The following ZNF334 variants were observed in gnomAD, a reference collection of about 807,000 sequenced individuals.
ZNF334 encodes the protein zinc finger protein 334.
ZNF334 carries 14 observed loss-of-function variants against 12.4 expected under a neutral mutation model. The ratio of observed to expected loss-of-function variants is 1.13; its 90% CI spans 0.74 to 1.76. The LOEUF (loss-of-function observed/expected upper bound fraction) is 1.76, where lower values mean the gene tolerates loss of function less well. ZNF334 is among the 40% of genes most tolerant of loss of function. ZNF334 has a pLI of 0.00. For synonymous variants in ZNF334, 273 were observed against 269.6 expected (o/e 1.01, Z -0.12); for missense variants, 797 against 804.5 (o/e 0.99, Z 0.11).
At chr20:46,506,806 G>A (rs750015676) in intron 2 of ZNF334, among the ~76,000 whole-genome samples, 2 of 152,048 alleles carry the variant, frequency 1.3e-5, no homozygotes, top group Admixed American at 6.6e-5. Flanking sequence ...TTTCTATACG[G>A]TTTTGATTCT....
the ZNF334 span, among the ~76,000 whole-genome samples, chr20:46,471,878 T>C: frequency 1.3e-5 from 2 of 152,230 alleles, no homozygotes; most frequent in East Asian, 1.9e-4. Context: ...TTAACTTTGT[T>C]CTTCAAGATT....
chr20:46,509,849 T>C (rs1468568261), intron 2 of ZNF334: 1 of 596,936 alleles, frequency 1.7e-6, no homozygotes, highest in East Asian at 2.8e-5. Context: ...ATATAGCTCC[T>C]AAGAAAGTAT....
chr20:46,464,386 A>G, the ZNF334 span: 8 of 503,798 alleles, frequency 1.6e-5, no homozygotes, highest in Non-Finnish European at 3.2e-5. Flanking sequence ...ACTTGTGAAT[A>G]TACTTGAGAC....
chr20:46,490,298 G>C, the ZNF334 span, among the ~76,000 whole-genome samples: 754 of 152,258 alleles, frequency 5.0e-3, 3 homozygotes, highest in African/African-American at 0.017. Context: ...TCCAAATAGA[G>C]CATCGGCCCA....
chr20:46,478,256 T>C, the ZNF334 span, among the ~76,000 whole-genome samples: 2 of 152,198 alleles, frequency 1.3e-5, no homozygotes, highest in South Asian at 2.1e-4. Flanking sequence ...AACTTGGTTT[T>C]ATACATTTTA....
Position 46,509,638 on chromosome 20 carries a change from G to A in ZNF334, c.21+2444C>T, listed in dbSNP as rs1458399114. Reference sequence around the variant, plus strand: ...CATTTTCCATTTCCCTTCATTCAAGGTTCACCCACGGTGAGTTAACTTGCG... The same window carrying A: ...CATTTTCCATTTCCCTTCATTCAAGATTCACCCACGGTGAGTTAACTTGCG... On this transcript the variant is annotated intron_variant, in intron 2 of 4. Coordinates refer to ENST00000692313, the MANE Select transcript of ZNF334 (RefSeq NM_001353824.2). 1.1e-5 allele frequency: 8 copies of A among 702,804 alleles called. No homozygotes were observed. In the East Asian group the frequency reaches 1.3e-4, roughly 12 times the overall value. The allele number at this position is 702,804 out of a possible 1,614,324, so 43.5% of individuals were successfully genotyped here. A position where few individuals can be genotyped will look rare whatever the true frequency, so the allele number is the denominator to read the frequency against.
chr20:46,506,748 G>C (rs1380289004), intron 2 of ZNF334: 1 of 162,884 alleles, frequency 6.1e-6, no homozygotes, highest in African/African-American at 2.4e-5. Flanking sequence ...TGGACGGATG[G>C]GAACAGAGTA....
the ZNF334 span, among the ~76,000 whole-genome samples, chr20:46,480,242 C>T: frequency 0.018 from 2,787 of 152,208 alleles, 38 homozygotes; most frequent in South Asian, 0.034. Flanking sequence ...CACATACTCA[C>T]AGGTTCTGGG....
At chr20:46,469,710 G>A in the ZNF334 span, among the ~76,000 whole-genome samples, 5 of 152,002 alleles carry the variant, frequency 3.3e-5, no homozygotes, top group African/African-American at 7.3e-5. Context: ...GCTCTTTGCC[G>A]ACTGTGTGTG....
the ZNF334 span, chr20:46,491,994 T>A: frequency 6.5e-6 from 1 of 152,754 alleles, no homozygotes; most frequent in South Asian, 2.1e-4. Flanking sequence ...AAACACTTTG[T>A]ATGTAATCAA....
chr20:46,510,803 C>T (rs188294873), intron 2 of ZNF334, among the ~76,000 whole-genome samples: 5 of 150,622 alleles, frequency 3.3e-5, no homozygotes, highest in Admixed American at 6.6e-5. Context: ...TGGCTTGTCT[C>T]GCTGGTCAGA....
At chr20:46,511,229 TAAA>T (rs11288508) in intron 2 of ZNF334, among the ~76,000 whole-genome samples, 8 of 132,134 alleles carry the variant, frequency 6.1e-5, no homozygotes, top group Admixed American at 7.7e-5. Flanking sequence ...TCATCTCAAT[TAAA>T]AAAAAAAAAA....
At chr20:46,473,310 A>T in the ZNF334 span, among the ~76,000 whole-genome samples, 1 of 152,104 alleles carries the variant, frequency 6.6e-6, no homozygotes, top group Non-Finnish European at 1.5e-5. Flanking sequence ...TAATAACTGA[A>T]TTTTGACTTT....
chr20:46,482,562 C>T, the ZNF334 span, among the ~76,000 whole-genome samples: 1 of 152,122 alleles, frequency 6.6e-6, no homozygotes, highest in Non-Finnish European at 1.5e-5. Context: ...TTTAACAATG[C>T]AGATGAATAA....
chr20:46,473,451 G>A, the ZNF334 span, among the ~76,000 whole-genome samples: 1 of 152,126 alleles, frequency 6.6e-6, no homozygotes, highest in Admixed American at 6.5e-5. Context: ...ATTCTTTTCA[G>A]TTGTATGCAT....
chr20:46,476,958 T>C, the ZNF334 span: 6 of 152,190 alleles, frequency 3.9e-5, no homozygotes, highest in Non-Finnish European at 7.4e-5. Flanking sequence ...TGAAATGAGA[T>C]AATAAAATAA....
intron 2 of ZNF334, among the ~76,000 whole-genome samples, chr20:46,510,703 A>T (rs1455114353): frequency 6.8e-6 from 1 of 147,800 alleles, no homozygotes; most frequent in Non-Finnish European, 1.5e-5. Flanking sequence ...GTTTGCAGTG[A>T]GCTGAGATCG....
the ZNF334 span, among the ~76,000 whole-genome samples, chr20:46,470,797 ATTT>A: frequency 6.6e-6 from 1 of 152,136 alleles, no homozygotes; most frequent in Admixed American, 6.5e-5. Context: ...TTAGCATGTT[ATTT>A]TTATTACTGT....
chr20:46,504,908 G>T, intron 2 of ZNF334, 168 bp from the exon 3 acceptor site: 1 of 539,026 alleles, frequency 1.9e-6, no homozygotes, highest in Non-Finnish European at 3.1e-6. Context: ...TTTTTAAAAT[G>T]AATTTTAAAA....
Sources: allele counts gnomAD v4.1 joint callset (sites outside exome capture counted in the v4.1 genomes callset), GRCh38; gene constraint gnomAD v4.1.1; transcripts MANE v1.5; gene names NCBI Gene and HGNC (gene_info 2026-07-23, HGNC 2026-07-21).